PHLDA2: variants seen among roughly 807,000 people sequenced by gnomAD.
PHLDA2 encodes the protein pleckstrin homology like domain family A member 2.
Under a neutral mutation model 5.9 loss-of-function variants are expected in PHLDA2, and 5 were observed. That is an observed-to-expected ratio of 0.85 (90% confidence interval 0.44 to 1.78). The LOEUF is 1.78. PHLDA2 is among the 40% of genes most tolerant of loss of function. The pLI is 0.02. For missense variants in PHLDA2, 216 were observed against 228.3 expected, an observed-to-expected ratio of 0.95 and a Z score of 0.35; for synonymous variants, 111 against 102.7, an observed-to-expected ratio of 1.08 and a Z score of -0.49.
In PHLDA2 at chr11:2,929,371, C is replaced by G; in HGVS notation, c.-7G>C. The G allele has an allele frequency of 6.3e-7, 1 of 1,597,654 alleles. No homozygotes were observed. The highest frequency in any genetic ancestry group is 1.1e-5 in the South Asian group (1 of 89,406). On this transcript the variant is annotated 5_prime_UTR_variant, in exon 1 of 2. Coordinates refer to ENST00000314222, the MANE Select transcript of PHLDA2 (RefSeq NM_003311.4). The surrounding 1 kb of genome is among the most constrained non-coding windows in gnomAD (Gnocchi z 8.3). ...CCTCGTCGGGGGATTTCATGTCGTG[C>G]CGAGCGCGGGACTGGGAGCGGCAAT...
Position 2,929,284 on chromosome 11 carries a change from C to T in PHLDA2, c.81G>A (p.Lys27=), listed in dbSNP as rs889636250. Residue 27 remains lysine (K), a synonymous_variant, in exon 1 of 2, where the codon AAG becomes AAA. Coordinates refer to ENST00000314222, the MANE Select transcript of PHLDA2 (RefSeq NM_003311.4). This position sits in a 1 kb window ranked among gnomAD's most constrained non-coding sequence, Gnocchi z 8.3. ...SDSLFQLWKK[K]RGVLTSDRLS... is the part of the protein sequence containing the mutation. The stretch of plus-strand genomic sequence containing the variant: ...GGCGGTCGGAGGTGAGCACCCCGCG[C>T]TTCTTCTTCCATAGCTGGAAGAGGC... 1 of 1,610,412 alleles carries T rather than the reference C, an allele frequency of 6.2e-7. No homozygotes were observed.
intron 1 of PHLDA2, 49 bp from the exon 2 acceptor site, chr11:2,928,716 T>G: frequency 2.0e-6 from 1 of 498,910 alleles, no homozygotes; most frequent in Non-Finnish European, 3.4e-6. Context: ...CCGGTCCGGG[T>G]CCAGCCTGAG....
rs551311316 is a variant in PHLDA2, at chr11:2,928,591, C to G, written c.*87G>C. 20 of 397,704 alleles carry G rather than the reference C, an allele frequency of 5.0e-5. No individual in the cohort carries two copies. The East Asian group carries it at 6.2e-4, about 12-fold the overall frequency. The allele number at this position is 397,704 out of a possible 1,614,324, so 24.6% of individuals were successfully genotyped here. On this transcript the variant is annotated 3_prime_UTR_variant, in exon 2 of 2. Coordinates refer to ENST00000314222, the MANE Select transcript of PHLDA2 (RefSeq NM_003311.4). The stretch of plus-strand genomic sequence containing the variant: ...GCAACGGAGCGAGGATCCGCGCGCA[C>G]GGGAAGTTCTTCTGCTGCAGGGCTG...
chr11:2,928,391 A>G lies in PHLDA2; in HGVS notation c.*287T>C, dbSNP rs1158165870. ...ATTCCTGGGCCTCCACCCTCCCAGC[A>G]GGAGTCTCACTGAGCCACAGCCGGA... On this transcript the variant is annotated 3_prime_UTR_variant, in exon 2 of 2. Coordinates refer to ENST00000314222, the MANE Select transcript of PHLDA2 (RefSeq NM_003311.4). 6.5e-6 allele frequency: 1 copy of G among 153,708 alleles called. No individual in the cohort carries two copies. The highest frequency in any genetic ancestry group is 1.9e-4 in the East Asian group (1 of 5,218). 9.5% of individuals were successfully genotyped at this position (153,708 alleles called of 1,614,324 possible).
chr11:2,929,004 C>A lies in PHLDA2; in HGVS notation c.361G>T (p.Ala121Ser), dbSNP rs772823181. 20 of 1,491,006 alleles carry A rather than the reference C, an allele frequency of 1.3e-5. No homozygotes were observed. Among genetic ancestry groups the A allele is most frequent in the Non-Finnish European group, 1.6e-5 (18 of 1,126,382 alleles). The allele number at this position is 1,491,006 out of a possible 1,614,324, so 92.4% of individuals were successfully genotyped here. ...GCAGCCACGGCGTCCTCGGCGGGTG[C>A]GGCGGGTGCGGTGCGTTCCTGGCGG... ...RSRQERTAPA[A>S]PAEDAVAAAA... Residue 121 changes from alanine to serine, a missense_variant, in exon 1 of 2, where the codon GCA (alanine) becomes TCA (serine). By Grantham distance (99) the Ala-to-Ser change is moderately conservative. Transcript: ENST00000314222. This position sits in a 1 kb window ranked among gnomAD's most constrained non-coding sequence, Gnocchi z 8.3.
rs1330151343 is a variant in PHLDA2, at chr11:2,928,916, CG to C, written c.448del (p.Arg150AlafsTer18). On this transcript the variant is annotated frameshift_variant, in exon 1 of 2. Coordinates refer to ENST00000314222, the MANE Select transcript of PHLDA2 (RefSeq NM_003311.4). LOFTEE classifies it low-confidence loss of function (END_TRUNC). ...CTCACCGCGGCGGGCTCATGGCGTG[CG>C]GGGTTTGGGCTGCGGGGATGGCCTG... ...PSRPSPQPKP[R>X]TP 2 of 1,378,620 alleles carry C rather than the reference CG, an allele frequency of 1.5e-6. No individual in the cohort carries two copies. Among genetic ancestry groups the C allele is most frequent in the East Asian group, 6.0e-5 (2 of 33,154 alleles). The allele number at this position is 1,378,620 out of a possible 1,614,324, so 85.4% of individuals were successfully genotyped here. A position where few individuals can be genotyped will look rare whatever the true frequency, so the allele number is the denominator to read the frequency against.
Position 2,929,013 on chromosome 11 carries a change from C to T in PHLDA2, c.352G>A (p.Ala118Thr). ...GCGTCCTCGGCGGGTGCGGCGGGTG[C>T]GGTGCGTTCCTGGCGGCTGCGAAAG... is the stretch of plus-strand genomic sequence containing the variant. ...QDFRSRQERT[A>T]PAAPAEDAVA... Residue 118 changes from alanine (A) to threonine (T), a missense_variant, in exon 1 of 2, where the codon GCA (alanine) becomes ACA (threonine). Transcript: ENST00000314222. The surrounding 1 kb of genome is among the most constrained non-coding windows in gnomAD (Gnocchi z 8.3). The T allele has an allele frequency of 6.6e-7, 1 of 1,525,336 alleles. No homozygotes were observed. The highest frequency in any genetic ancestry group is 8.7e-7 in the Non-Finnish European group (1 of 1,143,280). 94.5% of individuals were successfully genotyped at this position (1,525,336 alleles called of 1,614,324 possible).
chr11:2,928,887 G>A lies in PHLDA2; in HGVS notation c.*10+9C>T, dbSNP rs1156540826. ...CGCAGGGCTCGCCGGGACGCGGGCA[G>A]TCACTCACCGCGGCGGGCTCATGGC... On this transcript the variant is annotated intron_variant, in intron 1 of 1. Transcript: ENST00000314222. 8 of 1,351,750 alleles carry A rather than the reference G, an allele frequency of 5.9e-6. No homozygotes were observed. The highest frequency in any genetic ancestry group is 3.5e-5 in the South Asian group (2 of 56,374). The allele number at this position is 1,351,750 out of a possible 1,614,324, so 83.7% of individuals were successfully genotyped here. A position where few individuals can be genotyped will look rare whatever the true frequency, so the allele number is the denominator to read the frequency against.
chr11:2,929,122 G>A lies in PHLDA2; in HGVS notation c.243C>T (p.Asp81=), dbSNP rs562645989. 4.3e-6 allele frequency: 7 copies of A among 1,612,574 alleles called. No homozygotes were observed. In the Admixed American group the frequency reaches 1.0e-4, roughly 23 times the overall value. Residue 81 remains aspartate, a synonymous_variant, in exon 1 of 2, where the codon GAC becomes GAT. Transcript: ENST00000314222. The surrounding 1 kb of genome is among the most constrained non-coding windows in gnomAD (Gnocchi z 8.3). ...AGCAGCTCTCGCCCGCGCAGCGGAAGTCGATCTCCTTGTGGTCGGTGGTGA... is the reference window on the plus strand; with the variant it reads ...AGCAGCTCTCGCCCGCGCAGCGGAAATCGATCTCCTTGTGGTCGGTGGTGA... The part of the protein sequence containing the change: ...TIVTTDHKEI[D]FRCAGESCWN...
rs570789290 is a variant in PHLDA2, at chr11:2,929,372, C to A, written c.-8G>T. On this transcript the variant is annotated 5_prime_UTR_variant, in exon 1 of 2. Transcript: ENST00000314222. The surrounding 1 kb of genome is among the most constrained non-coding windows in gnomAD (Gnocchi z 8.3). ...CTCGTCGGGGGATTTCATGTCGTGC[C>A]GAGCGCGGGACTGGGAGCGGCAATG... is the stretch of plus-strand genomic sequence containing the variant. 2 of 1,596,990 alleles carry A rather than the reference C, an allele frequency of 1.3e-6. No homozygotes were observed. The highest frequency in any genetic ancestry group is 2.7e-5 in the African/African-American group (2 of 73,886).
Position 2,929,376 on chromosome 11 carries a change from C to A in PHLDA2, c.-12G>T. On this transcript the variant is annotated 5_prime_UTR_variant, in exon 1 of 2. Coordinates refer to ENST00000314222, the MANE Select transcript of PHLDA2 (RefSeq NM_003311.4). The surrounding 1 kb of genome is among the most constrained non-coding windows in gnomAD (Gnocchi z 8.3). Reference sequence around the variant, plus strand: ...TCGGGGGATTTCATGTCGTGCCGAGCGCGGGACTGGGAGCGGCAATGCGGG... The same window carrying A: ...TCGGGGGATTTCATGTCGTGCCGAGAGCGGGACTGGGAGCGGCAATGCGGG... The A allele has an allele frequency of 1.9e-6, 3 of 1,593,500 alleles. No individual in the cohort carries two copies. The highest frequency in any genetic ancestry group is 2.6e-6 in the Non-Finnish European group (3 of 1,171,960).
intron 1 of PHLDA2, 40 bp downstream of exon 1, chr11:2,928,856 T>G: frequency 1.6e-6 from 2 of 1,274,892 alleles, no homozygotes; most frequent in Non-Finnish European, 2.0e-6. Context: ...GTCCCGGCTG[T>G]TAGGGCGCAG....
In PHLDA2 at chr11:2,929,234, C is replaced by G. The variant is rs772537429; in HGVS notation, c.131G>C (p.Arg44Pro). 1 of 1,611,918 alleles carries G rather than the reference C, an allele frequency of 6.2e-7. No individual in the cohort carries two copies. Among genetic ancestry groups the G allele is most frequent in the South Asian group, 1.1e-5 (1 of 90,908 alleles). Residue 44 changes from arginine (R) to proline (P), a missense_variant, in exon 1 of 2, where the codon CGC (arginine) becomes CCC (proline). Physicochemically the swap from Arg to Pro is moderately radical, Grantham distance 103. Transcript: ENST00000314222. The surrounding 1 kb of genome is among the most constrained non-coding windows in gnomAD (Gnocchi z 8.3). ...DRLSLFPASP[R>P]ARPKELRFHS... ...GAAGCGCAGCTCCTTGGGGCGCGCG[C>G]GGGGGCTGGCGGGGAACAGGCTCAG...
Position 2,929,125 on chromosome 11 carries a change from G to T in PHLDA2, c.240C>A (p.Ile80=), listed in dbSNP as rs766586402. 5 of 1,612,548 alleles carry T rather than the reference G, an allele frequency of 3.1e-6. No individual in the cohort carries two copies. Among genetic ancestry groups the T allele is most frequent in the Non-Finnish European group, 4.2e-6 (5 of 1,179,756 alleles). ...AGCTCTCGCCCGCGCAGCGGAAGTC[G>T]ATCTCCTTGTGGTCGGTGGTGACGA... ...FTIVTTDHKE[I]DFRCAGESCW... The change falls in exon 1 of 2, where the codon ATC becomes ATA. Residue 80 remains isoleucine, a synonymous_variant. Transcript: ENST00000314222. This position sits in a 1 kb window ranked among gnomAD's most constrained non-coding sequence, Gnocchi z 8.3.
chr11:2,929,343 G>T lies in PHLDA2; in HGVS notation c.22C>A (p.Leu8Ile). MKSPDEVLREGELEKRSD... is the reference protein window; with the variant it reads MKSPDEVIREGELEKRSD... ...CGCTTCTCCAACTCGCCCTCGCGTAGCACCTCGTCGGGGGATTTCATGTCG... is the reference window on the plus strand; with the variant it reads ...CGCTTCTCCAACTCGCCCTCGCGTATCACCTCGTCGGGGGATTTCATGTCG... The change falls in exon 1 of 2, where the codon CTA becomes ATA. Residue 8 changes from leucine (L) to isoleucine (I), a missense_variant. Physicochemically the swap from Leu to Ile is conservative, Grantham distance 5. Transcript: ENST00000314222. The surrounding 1 kb of genome is among the most constrained non-coding windows in gnomAD (Gnocchi z 8.3). The T allele has an allele frequency of 6.2e-7, 1 of 1,607,592 alleles. No homozygotes were observed.
In PHLDA2 at chr11:2,929,385, G is replaced by A; in HGVS notation, c.-21C>T. ...TTCATGTCGTGCCGAGCGCGGGACT[G>A]GGAGCGGCAATGCGGGCGGTGACGG... On this transcript the variant is annotated 5_prime_UTR_variant, in exon 1 of 2. Transcript: ENST00000314222. This position sits in a 1 kb window ranked among gnomAD's most constrained non-coding sequence, Gnocchi z 8.3. 7 of 1,578,322 alleles carry A rather than the reference G, an allele frequency of 4.4e-6. No individual in the cohort carries two copies. The highest frequency in any genetic ancestry group is 6.0e-6 in the Non-Finnish European group (7 of 1,163,610).
rs758890434 is a variant in PHLDA2 at position 2,929,367 on chromosome 11, C to G, written c.-3G>C. The G allele has an allele frequency of 1.9e-5, 31 of 1,599,034 alleles. 1 individual carries two copies. The highest frequency in any genetic ancestry group is 1.4e-5 in the Non-Finnish European group (16 of 1,174,774). On this transcript the variant is annotated 5_prime_UTR_variant, in exon 1 of 2. Transcript: ENST00000314222. This position sits in a 1 kb window ranked among gnomAD's most constrained non-coding sequence, Gnocchi z 8.3. ...AGCACCTCGTCGGGGGATTTCATGT[C>G]GTGCCGAGCGCGGGACTGGGAGCGG...
intron 1 of PHLDA2, 73 bp downstream of exon 1, chr11:2,928,823 A>T: frequency 3.7e-6 from 4 of 1,075,932 alleles, no homozygotes; most frequent in Non-Finnish European, 4.9e-6. Context: ...CTGGGGTTGA[A>T]GTGGTTTTTC....
At chr11:2,928,808 G>T in intron 1 of PHLDA2, 88 bp downstream of exon 1, 1 of 975,680 alleles carries the variant, frequency 1.0e-6, no homozygotes, top group Non-Finnish European at 1.4e-6. Context: ...CCCCCGCCCC[G>T]CCGTCTGGGG....
Sources: allele counts gnomAD v4.1 joint callset, GRCh38; gene constraint gnomAD v4.1.1; non-coding constraint Gnocchi (gnomAD v3.1); transcripts MANE v1.5; gene names NCBI Gene and HGNC (gene_info 2026-07-23, HGNC 2026-07-21).